LCA5L: variants seen among roughly 807,000 people sequenced by gnomAD.
LCA5L encodes the protein lebercilin LCA5 like.
LCA5L carries 35 observed loss-of-function variants against 45.4 expected under a neutral mutation model. That is an observed-to-expected ratio of 0.77 (90% confidence interval 0.59 to 1.02). The LOEUF is 1.02. LCA5L is among the 50% of genes least tolerant of loss of function. The pLI, the probability that LCA5L is intolerant of heterozygous loss-of-function variation, is 0.00. For synonymous variants in LCA5L, 233 were observed against 264.7 expected (o/e 0.88, Z 1.16); for missense variants, 668 against 761.6 (o/e 0.88, Z 1.45).
rs1287490673 is a variant in LCA5L, at chr21:39,423,277, T to C, written c.536A>G (p.Gln179Arg). 1.2e-6 allele frequency: 2 copies of C among 1,609,456 alleles called. No homozygotes were observed. Among genetic ancestry groups the C allele is most frequent in the African/African-American group, 2.7e-5 (2 of 74,662 alleles). ...LTENQFLKQL[Q>R]LRHLKAIGKY... The stretch of plus-strand genomic sequence containing the variant: ...TCCTATAGCTTTCAAATGCCTAAGC[T>C]GAAGTTGTTTCAAAAATTGGTTTTC... The change falls in exon 6 of 11, where the codon CAG (glutamine) becomes CGG (arginine). Residue 179 changes from glutamine to arginine, a missense_variant. Gln to Arg is a conservative substitution (Grantham distance 43, BLOSUM62 1). Coordinates refer to ENST00000288350, the MANE Select transcript of LCA5L (RefSeq NM_152505.4).
At position 39,409,960 on chromosome 21, in the gene LCA5L, T is replaced by C; in HGVS notation, c.1282+19A>G. The C allele has an allele frequency of 2.3e-6, 3 of 1,312,890 alleles. No homozygotes were observed. Among genetic ancestry groups the C allele is most frequent in the Non-Finnish European group, 2.2e-6 (2 of 914,182 alleles). 81.3% of individuals were successfully genotyped at this position (1,312,890 alleles called of 1,614,324 possible). ...TTTAAAGAAATCAGATAAGATAGAC[T>C]TTAAAGAGTTAAAATTACCTTCATA... On this transcript the variant is annotated intron_variant, in intron 10 of 10. Coordinates refer to ENST00000288350, the MANE Select transcript of LCA5L (RefSeq NM_152505.4). This position sits in a 1 kb window ranked among gnomAD's most constrained non-coding sequence, Gnocchi z 4.2.
chr21:39,411,657 A>G (rs537019950), intron 8 of LCA5L, 61 bp downstream of exon 8: 4 of 810,120 alleles, frequency 4.9e-6, no homozygotes, highest in African/African-American at 3.5e-5. Flanking sequence ...GTCTATATAA[A>G]TTAGGAAAAT....
intron 10 of LCA5L, among the ~76,000 whole-genome samples, chr21:39,407,290 T>A (rs2039241752): frequency 6.6e-6 from 1 of 152,218 alleles, no homozygotes; most frequent in East Asian, 1.9e-4. Context: ...AATGAGAACA[T>A]TTTTCATCCA....
At chr21:39,413,817 T>C (rs2040528639) in intron 7 of LCA5L, 1 of 152,194 alleles carries the variant, frequency 6.6e-6, no homozygotes, top group Non-Finnish European at 1.5e-5. Context: ...CAGGGACACA[T>C]TTTGATTACC....
Position 39,434,115 on chromosome 21 carries a change from A to G in LCA5L, c.-92+1305T>C, listed in dbSNP as rs535534353. ...TAAAATTTCTACCTATATGACCTCA[A>G]TACAGGTATGTTTGGGTTCACCTGG... On this transcript the variant is annotated intron_variant, in intron 3 of 10. Transcript: ENST00000288350. 3.9e-5 allele frequency among the ~76,000 whole-genome samples: 6 copies of G among 152,238 alleles called. No homozygotes were observed. In the East Asian group the frequency reaches 1.2e-3, roughly 29 times the overall value.
Position 39,410,499 on chromosome 21 carries a change from A to G in LCA5L, c.1061-132T>C, listed in dbSNP as rs73365937. 2,797 of 550,794 alleles carry G rather than the reference A, an allele frequency of 5.1e-3. 70 individuals carry two copies. The highest frequency in any genetic ancestry group is 0.049 in the African/African-American group (2,565 of 52,240). The allele number at this position is 550,794 out of a possible 1,614,324, so 34.1% of individuals were successfully genotyped here. A position where few individuals can be genotyped will look rare whatever the true frequency, so the allele number is the denominator to read the frequency against. ...AGTATTTTCTAAATATTCAATATAT[A>G]TATAAGCATTTGTTAGTTTCCTGTT... On this transcript the variant is annotated intron_variant, in intron 8 of 10. Transcript: ENST00000288350.
At chr21:39,426,640 C>T (rs73367928) in intron 5 of LCA5L, among the ~76,000 whole-genome samples, 35,014 of 152,226 alleles carry the variant, frequency 0.23, 4,524 homozygotes, top group African/African-American at 0.35. Context: ...TAAAGATCTG[C>T]TTCATATTAG....
At chr21:39,426,995 TTAGA>T (rs781219202) in intron 5 of LCA5L, among the ~76,000 whole-genome samples, 5 of 152,200 alleles carry the variant, frequency 3.3e-5, no homozygotes, top group Non-Finnish European at 5.9e-5. Context: ...GACATGTGTC[TTAGA>T]TAAAGAATCC....
chr21:39,420,614 T>TA (rs1352222929), intron 7 of LCA5L, 92 bp downstream of exon 7: 2 of 1,119,410 alleles, frequency 1.8e-6, no homozygotes, highest in Non-Finnish European at 2.5e-6. Flanking sequence ...GTATGTAAAA[T>TA]AAAAAATCAC....
intron 2 of LCA5L, among the ~76,000 whole-genome samples, chr21:39,442,080 CTG>C (rs143895526): frequency 0.18 from 27,735 of 152,090 alleles, 2,645 homozygotes; most frequent in Middle Eastern, 0.27. Flanking sequence ...AGATACAACT[CTG>C]TGAAGATAAA....
At chr21:39,411,644 T>A in intron 8 of LCA5L, 74 bp downstream of exon 8, 1 of 701,262 alleles carries the variant, frequency 1.4e-6, no homozygotes, top group Admixed American at 2.7e-5. Flanking sequence ...TATCCATTAT[T>A]TTGTCTATAT....
chr21:39,416,375 A>T (rs2041156746), intron 7 of LCA5L, among the ~76,000 whole-genome samples: 1 of 152,206 alleles, frequency 6.6e-6, no homozygotes, highest in East Asian at 1.9e-4. Flanking sequence ...GTAAGAACCT[A>T]TTCTAGATGG....
Position 39,411,717 on chromosome 21 carries a change from C to A in LCA5L, c.1060+1G>T. 2 of 1,417,356 alleles carry A rather than the reference C, an allele frequency of 1.4e-6. No individual in the cohort carries two copies. Among genetic ancestry groups the A allele is most frequent in the Non-Finnish European group, 1.9e-6 (2 of 1,030,832 alleles). The allele number at this position is 1,417,356 out of a possible 1,614,324, so 87.8% of individuals were successfully genotyped here. On this transcript the variant is annotated splice_donor_variant, in intron 8 of 10. Coordinates refer to ENST00000288350, the MANE Select transcript of LCA5L (RefSeq NM_152505.4). LOFTEE classifies it high-confidence loss of function. ...TTTGAGCAAAAGTAATTAAAACATA[C>A]CTTTTGGATAGTCCTCTGTGTCATG... is the stretch of plus-strand genomic sequence containing the variant.
At chr21:39,431,410 C>T (rs1252820798) in intron 3 of LCA5L, among the ~76,000 whole-genome samples, 3 of 151,900 alleles carry the variant, frequency 2.0e-5, no homozygotes, top group South Asian at 4.2e-4. Context: ...TTTGCCTAGC[C>T]TAACGTTAGG....
At chr21:39,445,599 G>C (rs2077401145) in intron 1 of LCA5L, 126 bp downstream of exon 1, 1 of 152,942 alleles carries the variant, frequency 6.5e-6, no homozygotes, top group Non-Finnish European at 1.5e-5. Flanking sequence ...GCAGGGGCGA[G>C]GACTGAGTGA....
At chr21:39,416,256 G>A (rs183789059) in intron 7 of LCA5L, among the ~76,000 whole-genome samples, 134 of 152,250 alleles carry the variant, frequency 8.8e-4, no homozygotes, top group Non-Finnish European at 1.6e-3. Flanking sequence ...GTGACTCATC[G>A]CTGAGGTGTT....
intron 10 of LCA5L, 195 bp from the exon 11 acceptor site, chr21:39,406,807 G>A: frequency 6.2e-6 from 3 of 481,774 alleles, no homozygotes; most frequent in South Asian, 4.2e-5. Context: ...ACAGTTTCTT[G>A]GAACTTCCCA....
At position 39,423,449 on chromosome 21, in the gene LCA5L, C is replaced by T; in HGVS notation, c.364G>A (p.Ala122Thr). 6.3e-7 allele frequency: 1 copy of T among 1,583,832 alleles called. No individual in the cohort carries two copies. The highest frequency in any genetic ancestry group is 8.5e-7 in the Non-Finnish European group (1 of 1,169,866). ...TGGATTTGAGAATTAAAGAGTGATGCATTCCAGGTGTGCTTTTTTTCAACT... is the reference window on the plus strand; with the variant it reads ...TGGATTTGAGAATTAAAGAGTGATGTATTCCAGGTGTGCTTTTTTTCAACT... ...ISVEKKHTWN[A>T]SLFNSQIHMI... is the part of the protein sequence containing the mutation. The change falls in exon 6 of 11, where the codon GCA (alanine) becomes ACA (threonine). Residue 122 changes from alanine (A) to threonine (T), a missense_variant. Ala to Thr is a moderately conservative substitution (Grantham distance 58). Transcript: ENST00000288350.
In LCA5L at chr21:39,428,086, A is replaced by G. The variant is rs144320632; in HGVS notation, c.322+86T>C. The G allele has an allele frequency of 2.7e-5, 20 of 740,292 alleles. No individual in the cohort carries two copies. In the East Asian group the frequency reaches 4.5e-4, roughly 17 times the overall value. The allele number at this position is 740,292 out of a possible 1,614,324, so 45.9% of individuals were successfully genotyped here. A position where few individuals can be genotyped will look rare whatever the true frequency, so the allele number is the denominator to read the frequency against. On this transcript the variant is annotated intron_variant, in intron 5 of 10. Transcript: ENST00000288350. ...ACAATATGGGAAAACAATAAAACTGAGTATGAACCACTTCAAACACTAGTG... is the reference window on the plus strand; with the variant it reads ...ACAATATGGGAAAACAATAAAACTGGGTATGAACCACTTCAAACACTAGTG...
Sources: gnomAD v4.1 joint callset for allele counts (sites outside exome capture counted in the v4.1 genomes callset) on GRCh38, gnomAD v4.1.1 for gene constraint, Gnocchi (gnomAD v3.1) non-coding constraint, MANE v1.5 for transcripts, NCBI Gene and HGNC (gene_info 2026-07-23, HGNC 2026-07-21) for gene names.